Variants in PSMD1 observed in about 807,000 individuals in gnomAD.
PSMD1 encodes 26S proteasome non-ATPase regulatory subunit 1.
In PSMD1, 18 loss-of-function variants were observed where a neutral mutation model predicts 119.0. That is an observed-to-expected ratio of 0.15 (90% CI 0.10 to 0.22). The LOEUF is 0.22. Ranked by LOEUF, PSMD1 falls within the 10% of genes least tolerant of loss-of-function variation. The probability of loss-of-function intolerance (pLI) is 1.00; values close to 1 mark genes in which losing one functional copy is unlikely to be tolerated. For missense variants in PSMD1, 702 were observed against 1,158.5 expected (o/e 0.61, Z 5.72); for synonymous variants, 374 against 396.6 (o/e 0.94, Z 0.68).
At chr2:231,083,077 A>G (rs1273272911) in intron 13 of PSMD1, 83 bp downstream of exon 13, 24 of 1,050,334 alleles carry the variant, frequency 2.3e-5, no homozygotes, top group Non-Finnish European at 2.8e-5. Flanking sequence ...TATATTTTGT[A>G]GCCTCTTAAA....
chr2:231,138,943 T>G (rs1029562733), intron 17 of PSMD1, 93 bp downstream of exon 17: 1 of 909,172 alleles, frequency 1.1e-6, no homozygotes, highest in Non-Finnish European at 1.8e-6. Flanking sequence ...AAAATACAAG[T>G]GCAATGTGAT....
intron 16 of PSMD1, among the ~76,000 whole-genome samples, chr2:231,096,942 C>T (rs1164075953): frequency 6.6e-6 from 1 of 151,922 alleles, no homozygotes; most frequent in Non-Finnish European, 1.5e-5. Flanking sequence ...AGTAGGAAAT[C>T]GAAAAAGGTT....
At chr2:231,075,020 A>G (rs763846091) in intron 7 of PSMD1, among the ~76,000 whole-genome samples, 1 of 152,140 alleles carries the variant, frequency 6.6e-6, no homozygotes, top group African/African-American at 2.4e-5. Flanking sequence ...TTGTGGAGAC[A>G]AGGGTCTCAT....
At chr2:231,122,547 A>G (rs1695581449) in intron 16 of PSMD1, among the ~76,000 whole-genome samples, 1 of 152,178 alleles carries the variant, frequency 6.6e-6, no homozygotes. Flanking sequence ...TAAGTTAAAT[A>G]TCCTTTTAAT....
Position 231,146,431 on chromosome 2 carries a change from C to G in PSMD1, c.2115+75C>G, listed in dbSNP as rs933610911. The G allele has an allele frequency of 1.4e-5, 16 of 1,123,422 alleles. No individual in the cohort carries two copies. In the Admixed American group the frequency reaches 1.5e-4, roughly 11 times the overall value. The allele number at this position is 1,123,422 out of a possible 1,614,324, so 69.6% of individuals were successfully genotyped here. ...TTAGTAACTTATCGTCTTTTGAGGA[C>G]GTTTTTTAGTTCAAATATGGTAAAC... On this transcript the variant is annotated intron_variant, in intron 18 of 24. Transcript: ENST00000308696.
intron 5 of PSMD1, among the ~76,000 whole-genome samples, chr2:231,069,131 AAGG>A (rs1228458865): frequency 1.3e-5 from 2 of 152,130 alleles, no homozygotes; most frequent in Non-Finnish European, 2.9e-5. Context: ...GGGAATCTAG[AAGG>A]AGAACAAGCA....
intron 16 of PSMD1, among the ~76,000 whole-genome samples, chr2:231,129,575 C>G (rs1284048189): frequency 6.6e-6 from 1 of 152,168 alleles, no homozygotes; most frequent in Non-Finnish European, 1.5e-5. Context: ...CAAATAAATT[C>G]TCTTTCACTG....
intron 16 of PSMD1, among the ~76,000 whole-genome samples, chr2:231,095,780 G>T (rs1248223163): frequency 6.6e-6 from 1 of 152,208 alleles, no homozygotes; most frequent in African/African-American, 2.4e-5. Context: ...GGGAGGCCCT[G>T]TTGAGGCCCC....
intron 16 of PSMD1, among the ~76,000 whole-genome samples, chr2:231,096,271 A>G (rs531960051): frequency 1.4e-4 from 22 of 152,130 alleles, no homozygotes; most frequent in Non-Finnish European, 2.9e-4. Context: ...CTTTTTTCCA[A>G]TTTATTGGAG....
chr2:231,057,924 T>G (rs574984734), intron 1 of PSMD1, among the ~76,000 whole-genome samples: 5 of 152,380 alleles, frequency 3.3e-5, no homozygotes, highest in African/African-American at 1.2e-4. Flanking sequence ...TACTCTGTGT[T>G]TGACCCACAA....
At position 231,157,976 on chromosome 2, in the gene PSMD1, G is replaced by C. The variant is rs575325310; in HGVS notation, c.2219-3364G>C. Among the ~76,000 whole-genome samples, 22 of 152,170 alleles carry C rather than the reference G, an allele frequency of 1.4e-4. No homozygotes were observed. In the South Asian group the frequency reaches 3.5e-3, roughly 24 times the overall value. Reference sequence around the variant, plus strand: ...CCTCGTAGAACACTGTGCTGCAACTGCGTTAGAAAAATTTGCAGTCTTGAT... The same window carrying C: ...CCTCGTAGAACACTGTGCTGCAACTCCGTTAGAAAAATTTGCAGTCTTGAT... On this transcript the variant is annotated intron_variant, in intron 19 of 24. Coordinates refer to ENST00000308696, the MANE Select transcript of PSMD1 (RefSeq NM_002807.4).
At chr2:231,110,811 T>C (rs985385393) in intron 16 of PSMD1, among the ~76,000 whole-genome samples, 6 of 152,260 alleles carry the variant, frequency 3.9e-5, no homozygotes, top group African/African-American at 1.4e-4. Flanking sequence ...TAACATATTG[T>C]CTGTGGCTGC....
chr2:231,080,782 G>A (rs774659645), intron 12 of PSMD1, among the ~76,000 whole-genome samples: 1 of 152,096 alleles, frequency 6.6e-6, no homozygotes, highest in Non-Finnish European at 1.5e-5. Flanking sequence ...CTTCTATATT[G>A]GAGTGAGGGC....
chr2:231,059,053 C>A lies in PSMD1; in HGVS notation c.16+2012C>A, dbSNP rs1053090204. Among the ~76,000 whole-genome samples, 5 of 152,256 alleles carry A rather than the reference C, an allele frequency of 3.3e-5. No homozygotes were observed. The East Asian group carries it at 5.8e-4, about 18-fold the overall frequency. The stretch of plus-strand genomic sequence containing the variant: ...GCAGAAATTCAAAAGTATGTCTTGA[C>A]TGAAGAGCTCAGTCAGCCAGTCAAA... On this transcript the variant is annotated intron_variant, in intron 1 of 24. Transcript: ENST00000308696.
intron 16 of PSMD1, among the ~76,000 whole-genome samples, chr2:231,127,728 G>A (rs1695760542): frequency 6.6e-6 from 1 of 152,168 alleles, no homozygotes; most frequent in African/African-American, 2.4e-5. Flanking sequence ...GAAAAGGCTA[G>A]ATCATGTTCA....
rs1387141772 is a variant in PSMD1, at chr2:231,078,647, T to C, written c.1072-12T>C. On this transcript the variant is annotated splice_polypyrimidine_tract_variant and intron_variant, in intron 9 of 24. Coordinates refer to ENST00000308696, the MANE Select transcript of PSMD1 (RefSeq NM_002807.4). ...TGCCAGTGATGAAACAATTCTGTAT[T>C]TGTTGTTGCAGGATGCAGTACGGAA... is the stretch of plus-strand genomic sequence containing the variant. The C allele has an allele frequency of 1.9e-6, 3 of 1,592,484 alleles. No homozygotes were observed. Among genetic ancestry groups the C allele is most frequent in the South Asian group, 2.3e-5 (2 of 85,996 alleles).
intron 6 of PSMD1, among the ~76,000 whole-genome samples, chr2:231,071,982 A>G (rs1694052160): frequency 6.6e-6 from 1 of 152,212 alleles, no homozygotes; most frequent in Non-Finnish European, 1.5e-5. Flanking sequence ...TATAATTTGT[A>G]TGAATTTTTT....
chr2:231,108,751 T>A (rs376620755), intron 16 of PSMD1: 1 of 1,614,060 alleles, frequency 6.2e-7, no homozygotes, highest in African/African-American at 1.3e-5. Flanking sequence ...GAGTTTTTAC[T>A]GACTTTGTGG....
chr2:231,136,926 T>C (rs1695978491), intron 16 of PSMD1, among the ~76,000 whole-genome samples: 1 of 146,058 alleles, frequency 6.8e-6, no homozygotes, highest in African/African-American at 2.5e-5. Flanking sequence ...TTTGCCACTT[T>C]TATATATATA....
Sources: gnomAD v4.1 joint callset for allele counts (sites outside exome capture counted in the v4.1 genomes callset) on GRCh38, gnomAD v4.1.1 for gene constraint, MANE v1.5 for transcripts, NCBI Gene and HGNC (gene_info 2026-07-23, HGNC 2026-07-21) for gene names.